C13orf46: variants seen among roughly 807,000 people sequenced by gnomAD.
C13orf46 encodes the protein chromosome 13 open reading frame 46, also known as uncharacterized protein C13orf46.
At chr13:113,959,781 A>C (rs955709782) in intron 6 of C13orf46, among the ~76,000 whole-genome samples, 13 of 152,228 alleles carry the variant, frequency 8.5e-5, no homozygotes, top group African/African-American at 3.1e-4. Flanking sequence ...CTCTCTTTTT[A>C]TCCTGAAGCA....
intron 6 of C13orf46, among the ~76,000 whole-genome samples, chr13:113,960,811 T>C (rs945701376): frequency 6.6e-6 from 1 of 152,276 alleles, no homozygotes; most frequent in Non-Finnish European, 1.5e-5. Context: ...TTCCATCGGA[T>C]CTGACTTCCA....
At chr13:113,945,670 A>AAGAAAGAAAG in the C13orf46 span, among the ~76,000 whole-genome samples, 18 of 135,870 alleles carry the variant, frequency 1.3e-4, no homozygotes, top group East Asian at 1.8e-3. Context: ...GAAAGAAAGA[A>AAGAAAGAAAG]AGGAAAGAAA....
At chr13:113,926,797 G>C in the C13orf46 span, 2 of 152,222 alleles carry the variant, frequency 1.3e-5, no homozygotes, top group Non-Finnish European at 2.9e-5. Flanking sequence ...ATGCCCATGA[G>C]CGAGCCTACC....
At chr13:113,936,476 G>A in the C13orf46 span, among the ~76,000 whole-genome samples, 18 of 152,304 alleles carry the variant, frequency 1.2e-4, no homozygotes, top group East Asian at 3.3e-3. Context: ...CTTTGCTTCC[G>A]ACATTACAAG....
At chr13:113,938,682 C>T in the C13orf46 span, among the ~76,000 whole-genome samples, 59 of 152,188 alleles carry the variant, frequency 3.9e-4, no homozygotes, top group Non-Finnish European at 5.9e-5. Context: ...TGGGAGGGGC[C>T]CTTGCTGTGC....
At position 113,966,842 on chromosome 13, in the gene C13orf46, T is replaced by C. The variant is rs1008749473; in HGVS notation, c.504+499A>G. Among the ~76,000 whole-genome samples, 298 of 152,144 alleles carry C rather than the reference T, an allele frequency of 2.0e-3. 2 individuals are homozygous for C. Among genetic ancestry groups the C allele is most frequent in the African/African-American group, 6.9e-3 (288 of 41,480 alleles). On this transcript the variant is annotated intron_variant, in intron 5 of 6. Coordinates refer to ENST00000636427, the MANE Select transcript of C13orf46 (RefSeq NM_001365455.2). ...TGATGATGATAAGCTTTCCTGGGTG[T>C]GAGGCACTGCTCTGAGAGCTTTCCC...
rs1379984763 is a variant in C13orf46 at position 113,963,245 on chromosome 13, C to CG, written c.572+1681dup. On this transcript the variant is annotated intron_variant, in intron 6 of 6. Transcript: ENST00000636427. ...CAGCCTCGGCCCCTGTCCTCAGCCT[C>CG]GCCCCTGTCCTCAGCCTCGGCCCTG... 2.0e-4 allele frequency among the ~76,000 whole-genome samples: 27 copies of CG among 132,216 alleles called. No individual in the cohort carries two copies. The East Asian group carries it at 3.1e-3, about 15-fold the overall frequency. 86.7% of individuals were successfully genotyped at this position (132,216 alleles called of 152,430 possible). A position where few individuals can be genotyped will look rare whatever the true frequency, so the allele number is the denominator to read the frequency against.
Position 113,959,392 on chromosome 13 carries a change from G to T in C13orf46, c.573-2553C>A, listed in dbSNP as rs1001964892. On this transcript the variant is annotated intron_variant, in intron 6 of 6. Coordinates refer to ENST00000636427, the MANE Select transcript of C13orf46 (RefSeq NM_001365455.2). ...TGTCTGATTGGGTAGAATGTGTGAG[G>T]CTGTCTGATTGGCTAGGATGTGTGA... 7.1e-3 allele frequency among the ~76,000 whole-genome samples: 1,088 copies of T among 152,292 alleles called. 5 individuals are homozygous for T. The highest frequency in any genetic ancestry group is 0.025 in the African/African-American group (1,038 of 41,552).
intron 6 of C13orf46, among the ~76,000 whole-genome samples, chr13:113,962,062 A>G (rs2052591408): frequency 6.6e-6 from 1 of 152,238 alleles, no homozygotes; most frequent in Non-Finnish European, 1.5e-5. Context: ...GGGCAGGTAC[A>G]GGAAAAGGCA....
intron 4 of C13orf46, among the ~76,000 whole-genome samples, chr13:113,968,049 T>C (rs2052667098): frequency 6.6e-6 from 1 of 152,176 alleles, no homozygotes. Flanking sequence ...TGTCTGGTTG[T>C]GTTACCGTCC....
the C13orf46 span, among the ~76,000 whole-genome samples, chr13:113,945,680 A>AGAAAGAAAGAAAGGAAAG: frequency 6.5e-5 from 6 of 92,630 alleles, no homozygotes; most frequent in South Asian, 2.9e-4. Flanking sequence ...AAGGAAAGAA[A>AGAAAGAAAGAAAGGAAAG]AACAAACCAA....
chr13:113,946,242 C>T, the C13orf46 span, among the ~76,000 whole-genome samples: 14 of 152,346 alleles, frequency 9.2e-5, no homozygotes, highest in African/African-American at 1.9e-4. Context: ...ATTGGACCAA[C>T]GTCGCGTGGA....
At chr13:113,968,366 G>A (rs2052670345) in intron 4 of C13orf46, 101 bp downstream of exon 4, 1 of 152,174 alleles carries the variant, frequency 6.6e-6, no homozygotes. Flanking sequence ...CTGCTGAGCT[G>A]ACCCCCAGGC....
the C13orf46 span, chr13:113,927,798 A>G: frequency 2.5e-6 from 1 of 394,456 alleles, no homozygotes; most frequent in East Asian, 3.6e-5. Context: ...TTTCATAGCC[A>G]GGGTCGCTCT....
intron 4 of C13orf46, among the ~76,000 whole-genome samples, chr13:113,968,055 C>T (rs1322322473): frequency 1.3e-5 from 2 of 152,146 alleles, no homozygotes; most frequent in African/African-American, 4.8e-5. Context: ...GTTGTGTTAC[C>T]GTCCCCACCA....
chr13:113,973,312 AG>A (rs917356639), intron 1 of C13orf46, among the ~76,000 whole-genome samples: 2 of 152,194 alleles, frequency 1.3e-5, no homozygotes, highest in Admixed American at 6.5e-5. Context: ...GGCGCAGGAC[AG>A]GGACAGAGAT....
At chr13:113,958,141 T>C (rs1326695556) in intron 6 of C13orf46, among the ~76,000 whole-genome samples, 2 of 149,138 alleles carry the variant, frequency 1.3e-5, no homozygotes, top group Non-Finnish European at 3.0e-5. Context: ...TGCACCCCCT[T>C]TCATCAAGCG....
downstream of C13orf46, among the ~76,000 whole-genome samples, chr13:113,950,815 A>T (rs1279241056): frequency 2.6e-5 from 4 of 152,174 alleles, no homozygotes; most frequent in East Asian, 1.9e-4. Flanking sequence ...AGGGCACGGG[A>T]GTCCTGCCGT....
the C13orf46 span, among the ~76,000 whole-genome samples, chr13:113,945,567 A>AG: frequency 6.3e-5 from 6 of 95,912 alleles, no homozygotes; most frequent in African/African-American, 2.4e-4. Context: ...GAAAGAAAGA[A>AG]AGAAAGAAAG....
Sources: gnomAD v4.1 joint callset for allele counts (sites outside exome capture counted in the v4.1 genomes callset) on GRCh38, gnomAD v4.1.1 for gene constraint, MANE v1.5 for transcripts, NCBI Gene and HGNC (gene_info 2026-07-23, HGNC 2026-07-21) for gene names.